ABI3BP: variants seen among roughly 807,000 people sequenced by gnomAD.
ABI3BP encodes target of Nesh-SH3.
A neutral mutation model predicts 268.6 loss-of-function variants in ABI3BP; 216 were observed. That is an observed-to-expected ratio of 0.80 (90% confidence interval 0.72 to 0.90). The LOEUF (loss-of-function observed/expected upper bound fraction) is 0.90. Ranked by LOEUF, ABI3BP falls within the 40% of genes least tolerant of loss-of-function variation. ABI3BP has a pLI of 0.00. For missense variants in ABI3BP, 2,090 were observed against 2,182.4 expected (o/e 0.96, Z 0.84); for synonymous variants, 730 against 730.0 (o/e 1.00, Z 0.00).
intron 1 of ABI3BP, among the ~76,000 whole-genome samples, chr3:100,986,783 G>A (rs2091886968): frequency 6.6e-6 from 1 of 152,030 alleles, no homozygotes; most frequent in South Asian, 2.1e-4. Flanking sequence ...TCTGTGAAAT[G>A]GAGCTAATAA....
At chr3:100,764,684 C>G (rs1418805666) in intron 63 of ABI3BP, among the ~76,000 whole-genome samples, 1 of 152,130 alleles carries the variant, frequency 6.6e-6, no homozygotes, top group Non-Finnish European at 1.5e-5. Flanking sequence ...CACAAATTCA[C>G]CTATTAAAAA....
chr3:100,906,540 G>A (rs1427549260), intron 2 of ABI3BP, among the ~76,000 whole-genome samples: 1 of 152,184 alleles, frequency 6.6e-6, no homozygotes, highest in Non-Finnish European at 1.5e-5. Flanking sequence ...ATTGTAGACT[G>A]AAATTCTGCC....
At chr3:100,841,947 G>T in intron 21 of ABI3BP, 51 bp downstream of exon 21, 2 of 1,323,732 alleles carry the variant, frequency 1.5e-6, no homozygotes, top group Non-Finnish European at 1.0e-6. Context: ...AGTTGAACAT[G>T]GAGAGTGTTA....
intron 1 of ABI3BP, among the ~76,000 whole-genome samples, chr3:100,990,729 A>G (rs912609358): frequency 5.7e-4 from 86 of 152,186 alleles, no homozygotes; most frequent in Middle Eastern, 3.4e-3. Flanking sequence ...ACACTACAGA[A>G]TGTCATTCCT....
chr3:100,881,140 A>G (rs888621688), intron 6 of ABI3BP, among the ~76,000 whole-genome samples: 17 of 152,226 alleles, frequency 1.1e-4, no homozygotes, highest in South Asian at 2.1e-4. Flanking sequence ...TTTCTGGTCA[A>G]CTTAACCTTT....
intron 1 of ABI3BP, among the ~76,000 whole-genome samples, chr3:100,927,135 T>A (rs763980243): frequency 1.2e-4 from 19 of 152,156 alleles, no homozygotes; most frequent in Non-Finnish European, 1.2e-4. Context: ...CATTAGCTTA[T>A]AAGTGATAAT....
At chr3:100,832,075 C>A (rs1366129995) in intron 31 of ABI3BP, among the ~76,000 whole-genome samples, 189 bp downstream of exon 31, 2 of 152,140 alleles carry the variant, frequency 1.3e-5, no homozygotes, top group Non-Finnish European at 2.9e-5. Context: ...AGTAAATAAT[C>A]ATCAGCAGAG....
At chr3:100,809,237 T>G (rs73152462) in intron 49 of ABI3BP, among the ~76,000 whole-genome samples, 21,028 of 151,968 alleles carry the variant, frequency 0.14, 1,891 homozygotes, top group South Asian at 0.27. Context: ...AAGGTCTCAG[T>G]TTCTTCATCA....
At chr3:100,804,685 T>C in intron 51 of ABI3BP, 107 bp downstream of exon 51, 2 of 1,007,420 alleles carry the variant, frequency 2.0e-6, no homozygotes, top group Non-Finnish European at 3.1e-6. Context: ...ACATGGGATT[T>C]AAACATAAGT....
At chr3:100,793,305 A>C (rs1373956425) in intron 54 of ABI3BP, among the ~76,000 whole-genome samples, 1 of 152,008 alleles carries the variant, frequency 6.6e-6, no homozygotes, top group Non-Finnish European at 1.5e-5. Context: ...TCCCATTCCC[A>C]TGTTACCTTG....
At chr3:100,881,504 T>C (rs1425920323) in intron 6 of ABI3BP, among the ~76,000 whole-genome samples, 1 of 152,226 alleles carries the variant, frequency 6.6e-6, no homozygotes, top group Non-Finnish European at 1.5e-5. Context: ...TAATAAGTGC[T>C]ACATACTTCA....
intron 1 of ABI3BP, 89 bp from the exon 2 acceptor site, chr3:100,926,570 C>A: frequency 8.1e-7 from 1 of 1,241,880 alleles, no homozygotes; most frequent in Non-Finnish European, 1.1e-6. Flanking sequence ...TGGCTAGAGG[C>A]ATTGTTCTTG....
intron 6 of ABI3BP, among the ~76,000 whole-genome samples, chr3:100,885,231 A>G (rs1220055490): frequency 1.3e-5 from 2 of 152,088 alleles, no homozygotes; most frequent in Non-Finnish European, 2.9e-5. Flanking sequence ...CTCTTGAAAC[A>G]TTATATTAAA....
chr3:100,805,909 G>C (rs73152437), intron 50 of ABI3BP, among the ~76,000 whole-genome samples: 1 of 151,790 alleles, frequency 6.6e-6, no homozygotes, highest in African/African-American at 2.4e-5. Flanking sequence ...CACAAATTTG[G>C]TTTTGAAGAA....
At chr3:100,878,855 T>C (rs539949956) in intron 6 of ABI3BP, among the ~76,000 whole-genome samples, 2 of 152,358 alleles carry the variant, frequency 1.3e-5, no homozygotes, top group African/African-American at 2.4e-5. Context: ...TATTTGTTCA[T>C]GTTAAAACAA....
At chr3:100,982,019 G>A (rs1366956630) in intron 1 of ABI3BP, among the ~76,000 whole-genome samples, 2 of 152,148 alleles carry the variant, frequency 1.3e-5, no homozygotes, top group Non-Finnish European at 2.9e-5. Flanking sequence ...TGCATGGCTG[G>A]GGAGGCCTCA....
In ABI3BP at chr3:100,812,491, T is replaced by C; in HGVS notation, c.3397A>G (p.Thr1133Ala). The change falls in exon 46 of 68, where the codon ACT becomes GCT. Residue 1133 changes from threonine (T) to alanine (A), a missense_variant. Thr to Ala is a moderately conservative substitution (Grantham distance 58). Coordinates refer to ENST00000471714, the MANE Select transcript of ABI3BP (RefSeq NM_001375547.2). ...SDVLESVTLS[T>A]ESPKETIAPA... ...CCTATGGTCTCCTTTGGTGACTCAGTACTAAGTGTAACCGATTCCAGAACA... is the reference window on the plus strand; with the variant it reads ...CCTATGGTCTCCTTTGGTGACTCAGCACTAAGTGTAACCGATTCCAGAACA... 7.5e-7 allele frequency: 1 copy of C among 1,333,922 alleles called. No homozygotes were observed. The highest frequency in any genetic ancestry group is 9.6e-7 in the Non-Finnish European group (1 of 1,043,472). 82.6% of individuals were successfully genotyped at this position (1,333,922 alleles called of 1,614,324 possible). A position where few individuals can be genotyped will look rare whatever the true frequency, so the allele number is the denominator to read the frequency against.
intron 6 of ABI3BP, among the ~76,000 whole-genome samples, chr3:100,876,856 T>C (rs1836987): frequency 0.7 from 106,744 of 151,516 alleles, 38,374 homozygotes; most frequent in Non-Finnish European, 0.78. Flanking sequence ...GGCATGGTGG[T>C]GGGCGCCTGT....
chr3:100,802,763 C>G (rs2097568155), intron 51 of ABI3BP, among the ~76,000 whole-genome samples: 1 of 152,012 alleles, frequency 6.6e-6, no homozygotes, highest in Admixed American at 6.6e-5. Context: ...TAACTCTGTC[C>G]TGACCTCAGC....
Sources: gnomAD v4.1 joint callset for allele counts (sites outside exome capture counted in the v4.1 genomes callset) on GRCh38, gnomAD v4.1.1 for gene constraint, MANE v1.5 for transcripts, NCBI Gene and HGNC (gene_info 2026-07-23, HGNC 2026-07-21) for gene names.